ME2: variants seen among roughly 807,000 people sequenced by gnomAD.
ME2 encodes the protein NAD-dependent malic enzyme, mitochondrial.
Under a neutral mutation model 73.7 loss-of-function variants are expected in ME2, and 60 were observed. The ratio of observed to expected loss-of-function variants is 0.81; its 90% confidence interval spans 0.66 to 1.01. The LOEUF (loss-of-function observed/expected upper bound fraction) is 1.01, where lower values mean the gene tolerates loss of function less well. Among genes scored for constraint, ME2 ranks in the 50% least tolerant of loss-of-function variants. The pLI, the probability that ME2 is intolerant of heterozygous loss-of-function variation, is 0.00. For synonymous variants in ME2, 199 were observed against 236.9 expected (o/e 0.84, Z 1.47); for missense variants, 594 against 705.5 (o/e 0.84, Z 1.79).
At chr18:50,945,099 T>A (rs1476163152) in intron 15 of ME2, 1 of 152,208 alleles carries the variant, frequency 6.6e-6, no homozygotes, top group East Asian at 1.9e-4. Context: ...TTATGTTTAT[T>A]TGGCCCTTAG....
intron 1 of ME2, among the ~76,000 whole-genome samples, chr18:50,893,145 A>AC (rs1916648063): frequency 6.9e-6 from 1 of 144,792 alleles, no homozygotes; most frequent in African/African-American, 2.5e-5. Context: ...AAAAAAAAAA[A>AC]AAAAAAACAC....
rs759422791 is a variant in ME2 at position 50,918,233 on chromosome 18, G to A, written c.734+20G>A. 3.9e-6 allele frequency: 6 copies of A among 1,540,150 alleles called. No individual in the cohort carries two copies. In the East Asian group the frequency reaches 9.0e-5, roughly 23 times the overall value. The stretch of plus-strand genomic sequence containing the variant: ...TGACAGGTATTTTTTAAAAGTTTGA[G>A]TATATGAAAGCACCTTTAATGGGGT... On this transcript the variant is annotated intron_variant, in intron 7 of 15. Transcript: ENST00000321341.
At chr18:50,932,414 C>T (rs1339419127) in intron 13 of ME2, 54 bp downstream of exon 13, 1 of 1,398,450 alleles carries the variant, frequency 7.2e-7, no homozygotes, top group South Asian at 1.2e-5. Flanking sequence ...TGTAAAAATA[C>T]TTAATGGAAT....
At chr18:50,880,868 C>T (rs1276507846) in intron 1 of ME2, among the ~76,000 whole-genome samples, 1 of 152,058 alleles carries the variant, frequency 6.6e-6, no homozygotes, top group East Asian at 1.9e-4. Context: ...ATGTTTTTGT[C>T]TTTTAATATA....
chr18:50,893,624 CA>C (rs890245243), intron 1 of ME2, among the ~76,000 whole-genome samples: 1 of 152,198 alleles, frequency 6.6e-6, no homozygotes, highest in Non-Finnish European at 1.5e-5. Context: ...TTGAACAGCT[CA>C]GATATTTCTT....
At chr18:50,933,346 T>A (rs1599120797) in intron 13 of ME2, 2 of 152,210 alleles carry the variant, frequency 1.3e-5, no homozygotes, top group East Asian at 1.9e-4. Flanking sequence ...CAGGCTCTAA[T>A]TAAGATATGA....
chr18:50,912,667 TG>T, intron 3 of ME2, 133 bp from the exon 4 acceptor site: 1 of 687,018 alleles, frequency 1.5e-6, no homozygotes, highest in Non-Finnish European at 2.2e-6. Context: ...TCTAAGGTTT[TG>T]GGTTTTTTTT....
rs748579732 is a variant in ME2, at chr18:50,912,958, T to C, written c.392+8T>C. Reference sequence around the variant, plus strand: ...CATCTTTAGAAGACCTAAGTAAGGCTTGTTTAAAAAAAAGCTTGTAAATGA... The same window carrying C: ...CATCTTTAGAAGACCTAAGTAAGGCCTGTTTAAAAAAAAGCTTGTAAATGA... On this transcript the variant is annotated splice_region_variant and intron_variant, in intron 4 of 15. Coordinates refer to ENST00000321341, the MANE Select transcript of ME2 (RefSeq NM_002396.5). The C allele has an allele frequency of 4.0e-5, 63 of 1,573,556 alleles. No individual in the cohort carries two copies. The highest frequency in any genetic ancestry group is 5.2e-5 in the Non-Finnish European group (61 of 1,167,112).
At chr18:50,915,882 T>C (rs1917272133) in intron 4 of ME2, 3 of 231,302 alleles carry the variant, frequency 1.3e-5, no homozygotes, top group African/African-American at 2.3e-5. Flanking sequence ...TTTTTTTTCC[T>C]GGTGGTGTAT....
At chr18:50,893,987 A>C (rs1376966970) in intron 1 of ME2, among the ~76,000 whole-genome samples, 1 of 152,196 alleles carries the variant, frequency 6.6e-6, no homozygotes, top group African/African-American at 2.4e-5. Flanking sequence ...TTACAGTTTA[A>C]TTACATCTAT....
chr18:50,947,911 T>C lies in ME2; in HGVS notation c.*727T>C, dbSNP rs1918126103. On this transcript the variant is annotated 3_prime_UTR_variant, in exon 16 of 16. Coordinates refer to ENST00000321341, the MANE Select transcript of ME2 (RefSeq NM_002396.5). ...TTTAATTGCTTCAGTTATGCTATCT[T>C]ATTGCCCAACTAGAAATTTAGATTT... 6.6e-6 allele frequency: 1 copy of C among 152,212 alleles called. No homozygotes were observed. Among genetic ancestry groups the C allele is most frequent in the African/African-American group, 2.4e-5 (1 of 41,464 alleles). 9.4% of individuals were successfully genotyped at this position (152,212 alleles called of 1,614,324 possible).
intron 5 of ME2, chr18:50,916,488 A>G (rs1413833771): frequency 1.2e-5 from 4 of 342,848 alleles, no homozygotes; most frequent in Non-Finnish European, 1.6e-5. Context: ...CGGTATCAGC[A>G]CCACTGGTGT....
At chr18:50,915,630 T>G (rs1917266989) in intron 4 of ME2, 1 of 152,278 alleles carries the variant, frequency 6.6e-6, no homozygotes, top group African/African-American at 2.4e-5. Context: ...AACACCCACA[T>G]TGTTCAAGGG....
At chr18:50,883,809 G>A (rs1447152207) in intron 1 of ME2, among the ~76,000 whole-genome samples, 1 of 152,108 alleles carries the variant, frequency 6.6e-6, no homozygotes, top group Non-Finnish European at 1.5e-5. Flanking sequence ...GTTGCAGTGA[G>A]CCAAGATTGT....
Position 50,921,125 on chromosome 18 carries a change from C to G in ME2, c.994C>G (p.Leu332Val). The G allele has an allele frequency of 6.2e-7, 1 of 1,603,158 alleles. No homozygotes were observed. Among genetic ancestry groups the G allele is most frequent in the Non-Finnish European group, 8.5e-7 (1 of 1,175,258 alleles). ...AGTTATGTCTATGGTAGAAAATGGC[C>G]TGTCAGAACAAGAGGCACAAAAGAA... ...LIVMSMVENG[L>V]SEQEAQKKIW... Residue 332 changes from leucine (L) to valine (V), a missense_variant, in exon 10 of 16, where the codon CTG (leucine) becomes GTG (valine). Transcript: ENST00000321341.
chr18:50,918,781 T>G (rs1232606302), intron 7 of ME2, among the ~76,000 whole-genome samples: 1 of 152,022 alleles, frequency 6.6e-6, no homozygotes, highest in Non-Finnish European at 1.5e-5. Context: ...CCTCTTCTCT[T>G]TCAGCCATGT....
intron 11 of ME2, among the ~76,000 whole-genome samples, 167 bp from the exon 12 acceptor site, chr18:50,925,589 T>C (rs1917532263): frequency 6.6e-6 from 1 of 152,256 alleles, no homozygotes; most frequent in South Asian, 2.1e-4. Context: ...TCTTTTCAGA[T>C]TTGAGATTGT....
At chr18:50,881,331 C>T (rs1916316690) in intron 1 of ME2, among the ~76,000 whole-genome samples, 1 of 152,126 alleles carries the variant, frequency 6.6e-6, no homozygotes, top group Admixed American at 6.5e-5. Context: ...GCCACCATGC[C>T]CGGTGAACTA....
chr18:50,939,618 G>T lies in ME2; in HGVS notation c.1466G>T (p.Ser489Ile). The T allele has an allele frequency of 6.2e-7, 1 of 1,611,578 alleles. No homozygotes were observed. The highest frequency in any genetic ancestry group is 1.1e-5 in the South Asian group (1 of 91,010). ...ILCNTRHISD[S>I]VFLEAAKALT... ...TGTAACACCCGGCATATTAGTGACA[G>T]TGTTTTCCTAGAAGCTGCAAAGGTA... The change falls in exon 14 of 16, where the codon AGT becomes ATT. Residue 489 changes from serine to isoleucine, a missense_variant. Ser to Ile is a moderately radical substitution (Grantham distance 142). Coordinates refer to ENST00000321341, the MANE Select transcript of ME2 (RefSeq NM_002396.5).
Sources: gnomAD v4.1 joint callset for allele counts (sites outside exome capture counted in the v4.1 genomes callset) on GRCh38, gnomAD v4.1.1 for gene constraint, MANE v1.5 for transcripts, NCBI Gene and HGNC (gene_info 2026-07-23, HGNC 2026-07-21) for gene names.